The following GSN variants were observed in gnomAD, a reference collection of about 807,000 sequenced individuals.
GSN encodes the protein actin-depolymerizing factor.
Under a neutral mutation model 85.7 loss-of-function variants are expected in GSN, and 56 were observed. The ratio of observed to expected loss-of-function variants is 0.65; its 90% CI spans 0.53 to 0.82. The LOEUF (loss-of-function observed/expected upper bound fraction) is 0.82, where lower values mean the gene tolerates loss of function less well. Among genes scored for constraint, GSN ranks in the 40% least tolerant of loss-of-function variants. The pLI is 0.00. For synonymous variants in GSN, 373 were observed against 399.1 expected (o/e 0.93, Z 0.78); for missense variants, 857 against 979.8 (o/e 0.87, Z 1.67).
chr9:121,265,676 G>A (rs1440186201), upstream of GSN: 1 of 152,206 alleles, frequency 6.6e-6, no homozygotes, highest in African/African-American at 2.4e-5. Context: ...CTCTGGGAAG[G>A]AGGTGGTCTT....
At chr9:121,315,604 A>G (rs1203677081) in intron 7 of GSN, among the ~76,000 whole-genome samples, 1 of 152,110 alleles carries the variant, frequency 6.6e-6, no homozygotes, top group Non-Finnish European at 1.5e-5. Flanking sequence ...TCTCTACTAA[A>G]AATACAAAAT....
intron 2 of GSN, among the ~76,000 whole-genome samples, chr9:121,293,995 G>A (rs2058966470): frequency 6.6e-6 from 1 of 152,182 alleles, no homozygotes; most frequent in African/African-American, 2.4e-5. Flanking sequence ...GTGATAGACC[G>A]GGGACTTAAA....
Position 121,332,540 on chromosome 9 carries a change from C to T in GSN, c.2133C>T (p.Gly711=). The T allele has an allele frequency of 6.2e-7, 1 of 1,614,080 alleles. No homozygotes were observed. Among genetic ancestry groups the T allele is most frequent in the Non-Finnish European group, 8.5e-7 (1 of 1,179,976 alleles). Residue 711 remains glycine (G), a synonymous_variant, in exon 18 of 18, where the codon GGC becomes GGT. Coordinates refer to ENST00000432226, the MANE Select transcript of GSN (RefSeq NM_198252.3). The surrounding 1 kb of genome is among the most constrained non-coding windows in gnomAD (Gnocchi z 4.8). ...EPPSFVGWFL[G]WDDDYWSVDP... ...CCTCCTTTGTGGGCTGGTTCCTTGG[C>T]TGGGATGATGATTACTGGTCTGTGG...
intron 14 of GSN, among the ~76,000 whole-genome samples, chr9:121,328,267 A>G (rs1445270811): frequency 6.6e-6 from 1 of 152,192 alleles, no homozygotes; most frequent in African/African-American, 2.4e-5. Flanking sequence ...AATGGTGAAG[A>G]GTGACTTGGT....
chr9:121,327,512 G>C, intron 14 of GSN, 30 bp downstream of exon 14: 1 of 1,526,530 alleles, frequency 6.6e-7, no homozygotes. Flanking sequence ...GCCTGCTGCT[G>C]TCCGGATGCA....
Position 121,317,217 on chromosome 9 carries a change from A to G in GSN, c.885A>G (p.Lys295=), listed in dbSNP as rs779756580. 2.4e-5 allele frequency: 38 copies of G among 1,614,020 alleles called. No homozygotes were observed. The highest frequency in any genetic ancestry group is 3.1e-5 in the Non-Finnish European group (37 of 1,180,012). Residue 295 remains lysine (K), a splice_region_variant and synonymous_variant, in exon 8 of 18, where the codon AAA becomes AAG. Coordinates refer to ENST00000432226, the MANE Select transcript of GSN (RefSeq NM_198252.3). ...AAGATGGGAAAATCTTTGTCTGGAA[A>G]GGTACTGGAGACAGGGAAAGGGTCC... ...HGKDGKIFVW[K]GKQANTEERK...
chr9:121,269,373 T>C (rs997010061), intron 1 of GSN, among the ~76,000 whole-genome samples: 7 of 152,202 alleles, frequency 4.6e-5, no homozygotes, highest in African/African-American at 1.7e-4. Context: ...GAGTTTATGA[T>C]GGGCTAATTG....
chr9:121,327,252 G>A, intron 13 of GSN, 56 bp from the exon 14 acceptor site: 1 of 1,417,534 alleles, frequency 7.1e-7, no homozygotes, highest in Non-Finnish European at 1.0e-6. Flanking sequence ...GGGCTGTGAG[G>A]AGGGGGCTGA....
intron 4 of GSN, among the ~76,000 whole-genome samples, chr9:121,211,412 G>T (rs2053966137): frequency 6.6e-6 from 1 of 152,160 alleles, no homozygotes. Context: ...GTCTTAAAAT[G>T]CCTTGAAACT....
chr9:121,324,733 T>C, intron 12 of GSN, 89 bp downstream of exon 12: 2 of 720,318 alleles, frequency 2.8e-6, no homozygotes, highest in Non-Finnish European at 2.5e-6. Context: ...ATCCATTCGT[T>C]TGTCCATCTG....
At chr9:121,295,140 G>A (rs1012774218) in intron 2 of GSN, among the ~76,000 whole-genome samples, 1 of 152,204 alleles carries the variant, frequency 6.6e-6, no homozygotes, top group African/African-American at 2.4e-5. Flanking sequence ...CTTTTGGCGA[G>A]CTCCTGTGCG....
At chr9:121,266,123 G>C (rs1283581568), upstream of GSN, among the ~76,000 whole-genome samples, 1 of 152,126 alleles carries the variant, frequency 6.6e-6, no homozygotes, top group Non-Finnish European at 1.5e-5. Context: ...TTATGGGTAG[G>C]CATCTGACCC....
intron 4 of GSN, among the ~76,000 whole-genome samples, chr9:121,214,220 TTC>T (rs1292903520): frequency 3.3e-5 from 5 of 151,768 alleles, no homozygotes; most frequent in East Asian, 3.8e-4. Flanking sequence ...CTTCCTCTTC[TTC>T]TTTCTTCCTT....
chr9:121,204,651 TAAG>T (rs2053854138), upstream of GSN, among the ~76,000 whole-genome samples: 1 of 152,186 alleles, frequency 6.6e-6, no homozygotes, highest in Non-Finnish European at 1.5e-5. Flanking sequence ...GTTGTTTCTA[TAAG>T]AAGAGATGTA....
chr9:121,305,574 T>C (rs1408697871), intron 4 of GSN, among the ~76,000 whole-genome samples: 5 of 152,040 alleles, frequency 3.3e-5, no homozygotes, highest in Non-Finnish European at 5.9e-5. Context: ...TGGTTCAGAG[T>C]AGACATTTGG....
At chr9:121,204,911 A>G (rs2053857739), upstream of GSN, among the ~76,000 whole-genome samples, 1 of 152,220 alleles carries the variant, frequency 6.6e-6, no homozygotes, top group Non-Finnish European at 1.5e-5. Flanking sequence ...AAACTATAAG[A>G]GGAGGGCAAA....
At chr9:121,286,103 C>G (rs1291039136) in intron 2 of GSN, 1 of 1,535,200 alleles carries the variant, frequency 6.5e-7, no homozygotes, top group Non-Finnish European at 8.7e-7. Flanking sequence ...TTAGGTTGGC[C>G]TGTGTCAGGA....
At chr9:121,236,460 G>A (rs370608237) in intron 5 of GSN, among the ~76,000 whole-genome samples, 2 of 151,988 alleles carry the variant, frequency 1.3e-5, no homozygotes, top group East Asian at 1.9e-4. Context: ...TGATCTGCCC[G>A]CCTCAGCCTC....
chr9:121,259,560 C>T (rs2055037329), intron 6 of GSN, among the ~76,000 whole-genome samples: 1 of 152,124 alleles, frequency 6.6e-6, no homozygotes, highest in Non-Finnish European at 1.5e-5. Context: ...TGACAGGAAC[C>T]AGCAGGATTC....
Sources: gnomAD v4.1 joint callset for allele counts (sites outside exome capture counted in the v4.1 genomes callset) on GRCh38, gnomAD v4.1.1 for gene constraint, Gnocchi (gnomAD v3.1) non-coding constraint, MANE v1.5 for transcripts, NCBI Gene and HGNC (gene_info 2026-07-23, HGNC 2026-07-21) for gene names.